Variants in SPATA32 observed in about 807,000 individuals in gnomAD.
The protein encoded by SPATA32 is spermatogenesis associated 32.
Under a neutral mutation model 35.4 loss-of-function variants are expected in SPATA32, and 28 were observed. The ratio of observed to expected loss-of-function variants is 0.79; its 90% confidence interval spans 0.59 to 1.09. The LOEUF is 1.09. Among genes scored for constraint, SPATA32 ranks in the 50% least tolerant of loss-of-function variants. The probability of loss-of-function intolerance (pLI) is 0.00; values close to 1 mark genes in which losing one functional copy is unlikely to be tolerated. For synonymous variants in SPATA32, 168 were observed against 196.3 expected, an observed-to-expected ratio of 0.86 and a Z score of 1.20; for missense variants, 409 against 475.9, an observed-to-expected ratio of 0.86 and a Z score of 1.31.
rs967836987 is a variant in SPATA32 at position 45,255,613 on chromosome 17, G to A, written c.569C>T (p.Ser190Phe). The A allele has an allele frequency of 6.2e-7, 1 of 1,613,880 alleles. No homozygotes were observed. Among genetic ancestry groups the A allele is most frequent in the Non-Finnish European group, 8.5e-7 (1 of 1,180,034 alleles). The change falls in exon 4 of 5, where the codon TCC becomes TTC. Residue 190 changes from serine to phenylalanine, a missense_variant. Ser to Phe is a radical substitution (Grantham distance 155, BLOSUM62 -2). Transcript: ENST00000331780. The surrounding 1 kb of genome is among the most constrained non-coding windows in gnomAD (Gnocchi z 5.4). ...NNGSAGQPIR[S>F]PLREAIPTNA... ...GGTGGGGATGGCCTCCCGGAGCGGG[G>A]ATCTGATGGGCTGGCCTGCGCTGCC...
intron 1 of SPATA32, among the ~76,000 whole-genome samples, chr17:45,259,602 C>T (rs1026643115): frequency 6.6e-6 from 1 of 151,736 alleles, no homozygotes; most frequent in African/African-American, 2.4e-5. Flanking sequence ...ATTTCAGCAA[C>T]CTCAACCTCC....
chr17:45,261,935 C>T (rs2044013691), intron 1 of SPATA32, 69 bp downstream of exon 1: 1 of 1,287,462 alleles, frequency 7.8e-7, no homozygotes, highest in Non-Finnish European at 9.9e-7. Context: ...CCTTCGCGCC[C>T]CTCCCCCTCT....
chr17:45,259,026 T>A (rs2043981469), intron 1 of SPATA32, among the ~76,000 whole-genome samples: 1 of 133,184 alleles, frequency 7.5e-6, no homozygotes, highest in Non-Finnish European at 1.7e-5. Flanking sequence ...TCTTATTTGT[T>A]CTCATAGCTT....
At chr17:45,261,094 G>GATTT (rs1491518933) in intron 1 of SPATA32, 7 of 62,368 alleles carry the variant, frequency 1.1e-4, no homozygotes, top group African/African-American at 5.7e-4. Flanking sequence ...CCCGACCTCT[G>GATTT]GTTTTTTTTT....
intron 4 of SPATA32, 130 bp downstream of exon 4, chr17:45,254,985 G>A (rs146242057): frequency 1.0e-4 from 89 of 887,738 alleles, no homozygotes; most frequent in African/African-American, 9.9e-4. Context: ...AGGTGGAGGC[G>A]TCACAGCCCA....
At chr17:45,254,555 T>G (rs1268243959) in intron 4 of SPATA32, 42 bp from the exon 5 acceptor site, 2 of 1,601,496 alleles carry the variant, frequency 1.2e-6, no homozygotes, top group Admixed American at 1.7e-5. Flanking sequence ...CCCCAGAGGG[T>G]GGTTGAAGGA....
Position 45,256,335 on chromosome 17 carries a change from T to C in SPATA32, c.108+41A>G, listed in dbSNP as rs372305907. On this transcript the variant is annotated intron_variant, in intron 3 of 4. Coordinates refer to ENST00000331780, the MANE Select transcript of SPATA32 (RefSeq NM_152343.3). This position sits in a 1 kb window ranked among gnomAD's most constrained non-coding sequence, Gnocchi z 4.7. ...GGGACTTAGGGAAGAGCCCTGCCGC[T>C]TGCCTACCACCTCCCCGTAAGAGGA... 1 of 1,601,906 alleles carries C rather than the reference T, an allele frequency of 6.2e-7. No individual in the cohort carries two copies. Among genetic ancestry groups the C allele is most frequent in the Middle Eastern group, 1.7e-4 (1 of 6,038 alleles).
chr17:45,258,192 C>T (rs1478452924), intron 1 of SPATA32, among the ~76,000 whole-genome samples: 8 of 152,112 alleles, frequency 5.3e-5, no homozygotes, highest in Non-Finnish European at 1.5e-5. Flanking sequence ...AGGGAGGGGT[C>T]CTTGCATGGC....
In SPATA32 at chr17:45,255,447, T is replaced by C; in HGVS notation, c.735A>G (p.Ala245=). The C allele has an allele frequency of 3.7e-6, 6 of 1,614,112 alleles. No homozygotes were observed. The highest frequency in any genetic ancestry group is 5.1e-6 in the Non-Finnish European group (6 of 1,180,018). ...TGGAGGAGGCCATGGCCAGGGAAGATGCAAAGGTGATTAGCTCTGTCAGGT... is the reference window on the plus strand; with the variant it reads ...TGGAGGAGGCCATGGCCAGGGAAGACGCAAAGGTGATTAGCTCTGTCAGGT... The part of the protein sequence containing the change: ...PIDLTELITF[A]SSLAMASSSR... The change falls in exon 4 of 5, where the codon GCA becomes GCG. Residue 245 remains alanine, a synonymous_variant. Coordinates refer to ENST00000331780, the MANE Select transcript of SPATA32 (RefSeq NM_152343.3). This position sits in a 1 kb window ranked among gnomAD's most constrained non-coding sequence, Gnocchi z 5.4.
rs201915375 is a variant in SPATA32, at chr17:45,255,097, G to A, written c.1067+18C>T. ...AGCACAGCCCCTCTATGGGAGCTGC[G>A]GGGCTGGCCTCACTCACTCTTCCTT... On this transcript the variant is annotated intron_variant, in intron 4 of 4. Coordinates refer to ENST00000331780, the MANE Select transcript of SPATA32 (RefSeq NM_152343.3). The surrounding 1 kb of genome is among the most constrained non-coding windows in gnomAD (Gnocchi z 5.4). 16 of 1,611,826 alleles carry A rather than the reference G, an allele frequency of 9.9e-6. No homozygotes were observed. Among genetic ancestry groups the A allele is most frequent in the Admixed American group, 8.3e-5 (5 of 59,994 alleles).
chr17:45,259,429 T>TATG (rs1180372713), intron 1 of SPATA32, among the ~76,000 whole-genome samples: 1 of 152,232 alleles, frequency 6.6e-6, no homozygotes, highest in Non-Finnish European at 1.5e-5. Context: ...TGATATTATA[T>TATG]ATGTTATACA....
Position 45,257,189 on chromosome 17 carries a change from C to T in SPATA32, c.32G>A (p.Cys11Tyr). 1 of 1,611,874 alleles carries T rather than the reference C, an allele frequency of 6.2e-7. No individual in the cohort carries two copies. Among genetic ancestry groups the T allele is most frequent in the Non-Finnish European group, 8.5e-7 (1 of 1,179,206 alleles). The change falls in exon 2 of 5, where the codon TGC becomes TAC. Residue 11 changes from cysteine to tyrosine, a missense_variant. Physicochemically the swap from Cys to Tyr is radical, Grantham distance 194. Coordinates refer to ENST00000331780, the MANE Select transcript of SPATA32 (RefSeq NM_152343.3). ...AACCTCCACTGACCCTTTGCCGCAG[C>T]ATGGAAATCCATGGGCACCTGACAG... The part of the protein sequence containing the change: MGVTGAHGFP[C>Y]CGKGSVEVAE...
rs2043936186 is a variant in SPATA32 at position 45,254,431 on chromosome 17, T to G, written c.1150A>C (p.Lys384Gln). 3.1e-6 allele frequency: 5 copies of G among 1,614,114 alleles called. No homozygotes were observed. Among genetic ancestry groups the G allele is most frequent in the Non-Finnish European group, 4.2e-6 (5 of 1,179,974 alleles). The part of the protein sequence containing the change: ...FKLSAPTIPE[K>Q] ...GCTTTATTGGTTCTGTCTAGTCATT[T>G]CTCTGGGATTGTGGGGGCTGACAGC... is the stretch of plus-strand genomic sequence containing the variant. Residue 384 changes from lysine (K) to glutamine (Q), a missense_variant, in exon 5 of 5, where the codon AAA becomes CAA. Physicochemically the swap from Lys to Gln is moderately conservative, Grantham distance 53 (BLOSUM62 1). Coordinates refer to ENST00000331780, the MANE Select transcript of SPATA32 (RefSeq NM_152343.3).
intron 4 of SPATA32, 66 bp from the exon 5 acceptor site, chr17:45,254,579 A>G (rs2043937868): frequency 1.3e-6 from 2 of 1,495,606 alleles, no homozygotes; most frequent in Non-Finnish European, 1.9e-6. Context: ...GGGTGAGCCC[A>G]GAGGCCCCTC....
In SPATA32 at chr17:45,255,016, C is replaced by T; in HGVS notation, c.1067+99G>A. On this transcript the variant is annotated intron_variant, in intron 4 of 4. Coordinates refer to ENST00000331780, the MANE Select transcript of SPATA32 (RefSeq NM_152343.3). The surrounding 1 kb of genome is among the most constrained non-coding windows in gnomAD (Gnocchi z 5.4). ...GCCCACCACATCCTGCTCCCAGGCC[C>T]TCATTCCACTGTTCCCCACCCCTAC... 8.5e-7 allele frequency: 1 copy of T among 1,175,450 alleles called. No individual in the cohort carries two copies. Among genetic ancestry groups the T allele is most frequent in the Non-Finnish European group, 1.2e-6 (1 of 822,744 alleles). 72.8% of individuals were successfully genotyped at this position (1,175,450 alleles called of 1,614,324 possible). A position where few individuals can be genotyped will look rare whatever the true frequency, so the allele number is the denominator to read the frequency against.
rs879177922 is a variant in SPATA32 at position 45,255,030 on chromosome 17, C to T, written c.1067+85G>A. 1 of 1,341,934 alleles carries T rather than the reference C, an allele frequency of 7.5e-7. No individual in the cohort carries two copies. Among genetic ancestry groups the T allele is most frequent in the Non-Finnish European group, 1.0e-6 (1 of 960,534 alleles). The allele number at this position is 1,341,934 out of a possible 1,614,324, so 83.1% of individuals were successfully genotyped here. A position where few individuals can be genotyped will look rare whatever the true frequency, so the allele number is the denominator to read the frequency against. On this transcript the variant is annotated intron_variant, in intron 4 of 4. Transcript: ENST00000331780. This position sits in a 1 kb window ranked among gnomAD's most constrained non-coding sequence, Gnocchi z 5.4. ...GCTCCCAGGCCCTCATTCCACTGTT[C>T]CCCACCCCTACCCAGCTGTGTGAGG...
At position 45,261,601 on chromosome 17, in the gene SPATA32, A is replaced by G. The variant is rs1333909875; in HGVS notation, c.13+403T>C. On this transcript the variant is annotated intron_variant, in intron 1 of 4. Transcript: ENST00000331780. ...GCTGAAGACTGCCGCTCCTCCCTGC[A>G]AAGCCTCAAGCATCAAGGAGGGACA... 2.0e-5 allele frequency among the ~76,000 whole-genome samples: 3 copies of G among 152,224 alleles called. No individual in the cohort carries two copies. The South Asian group carries it at 6.2e-4, about 31-fold the overall frequency.
Position 45,256,954 on chromosome 17 carries a change from G to A in SPATA32, c.68+199C>T, listed in dbSNP as rs893435483. On this transcript the variant is annotated intron_variant, in intron 2 of 4. Coordinates refer to ENST00000331780, the MANE Select transcript of SPATA32 (RefSeq NM_152343.3). This position sits in a 1 kb window ranked among gnomAD's most constrained non-coding sequence, Gnocchi z 4.7. ...CCTCAGTCTTCCTCTCATGCCAGGG[G>A]CTGAGGGCATAAACAGAAGTGGGAG... 6.6e-6 allele frequency among the ~76,000 whole-genome samples: 1 copy of A among 152,198 alleles called. No homozygotes were observed. Among genetic ancestry groups the A allele is most frequent in the Non-Finnish European group, 1.5e-5 (1 of 68,040 alleles).
At chr17:45,260,502 A>G (rs1009063714) in intron 1 of SPATA32, 1 of 151,580 alleles carries the variant, frequency 6.6e-6, no homozygotes, top group Non-Finnish European at 1.5e-5. Flanking sequence ...ATGACTTCCT[A>G]CCCTTTGGCA....
Sources: gnomAD v4.1 joint callset for allele counts (sites outside exome capture counted in the v4.1 genomes callset) on GRCh38, gnomAD v4.1.1 for gene constraint, Gnocchi (gnomAD v3.1) non-coding constraint, MANE v1.5 for transcripts, NCBI Gene and HGNC (gene_info 2026-07-23, HGNC 2026-07-21) for gene names.